The following PALM2AKAP2 variants were observed in gnomAD, a reference collection of about 807,000 sequenced individuals.
PALM2AKAP2 encodes PALM2 and AKAP2 fusion, also known as PALM2-AKAP2 fusion protein.
A neutral mutation model predicts 71.5 loss-of-function variants in PALM2AKAP2; 37 were observed. That is an observed-to-expected ratio of 0.52 (90% CI 0.40 to 0.68). The LOEUF is 0.68. Ranked by LOEUF, PALM2AKAP2 falls within the 30% of genes least tolerant of loss-of-function variation. PALM2AKAP2 has a pLI of 0.00. For synonymous variants in PALM2AKAP2, 468 were observed against 478.8 expected, an observed-to-expected ratio of 0.98 and a Z score of 0.29; for missense variants, 1,224 against 1,191.8, an observed-to-expected ratio of 1.03 and a Z score of -0.40.
chr9:109,859,098 A>G (rs1368937249), intron 1 of PALM2AKAP2, among the ~76,000 whole-genome samples: 2 of 152,220 alleles, frequency 1.3e-5, no homozygotes, highest in Non-Finnish European at 2.9e-5. Context: ...TCTAAATTCT[A>G]TGGGATGTTT....
chr9:110,157,022 T>G (rs1481350193), intron 3 of PALM2AKAP2, among the ~76,000 whole-genome samples: 1 of 152,162 alleles, frequency 6.6e-6, no homozygotes. Context: ...AAAGAGCCAG[T>G]GAAAATGACA....
chr9:110,066,780 C>T (rs992798512), intron 1 of PALM2AKAP2, among the ~76,000 whole-genome samples: 5 of 151,452 alleles, frequency 3.3e-5, no homozygotes, highest in African/African-American at 1.2e-4. Context: ...AAGGAGATAA[C>T]ATATTGCCCA....
At chr9:110,014,851 T>TACACACACACACAC (rs1360117476) in intron 6 of PALM2AKAP2, among the ~76,000 whole-genome samples, 41 of 89,518 alleles carry the variant, frequency 4.6e-4, no homozygotes, top group African/African-American at 1.7e-3. Context: ...TATATATATA[T>TACACACACACACAC]ACACACACAC....
chr9:110,165,774 ATCC>A (rs1836719485), intron 3 of PALM2AKAP2, among the ~76,000 whole-genome samples: 1 of 152,164 alleles, frequency 6.6e-6, no homozygotes, highest in African/African-American at 2.4e-5. Flanking sequence ...GGACTATTCT[ATCC>A]TCAACACGAA....
intron 1 of PALM2AKAP2, among the ~76,000 whole-genome samples, chr9:110,084,351 G>A (rs1314101903): frequency 1.3e-5 from 2 of 152,134 alleles, no homozygotes; most frequent in Non-Finnish European, 2.9e-5. Flanking sequence ...TATGGTGAGG[G>A]CATAGATAGG....
intron 1 of PALM2AKAP2, among the ~76,000 whole-genome samples, chr9:110,096,784 G>C (rs1426623659): frequency 6.6e-6 from 1 of 151,654 alleles, no homozygotes; most frequent in Admixed American, 6.6e-5. Context: ...ACTTTTTGTG[G>C]GGGGTTGGGG....
rs116283399 is a variant in PALM2AKAP2 at position 109,796,254 on chromosome 9, G to A, written c.45+15721G>A. ...AGTCAGCAAAATATTAGAAAACTGT[G>A]ATAGATAATGTGCTTTGATTGATTG... On this transcript the variant is annotated intron_variant, in intron 1 of 9. Transcript: ENST00000302798. Among the ~76,000 whole-genome samples the A allele has an allele frequency of 7.7e-4, 118 of 152,262 alleles. 2 individuals are homozygous for A. The highest frequency in any genetic ancestry group is 3.4e-3 in the Middle Eastern group (1 of 294).
intron 3 of PALM2AKAP2, among the ~76,000 whole-genome samples, chr9:109,909,792 A>C (rs543792384): frequency 6.6e-6 from 1 of 152,320 alleles, no homozygotes; most frequent in South Asian, 2.1e-4. Context: ...GGGAAGAGAG[A>C]GAACAAGGGC....
intron 1 of PALM2AKAP2, among the ~76,000 whole-genome samples, chr9:109,800,552 TA>T (rs1310419335): frequency 2.0e-5 from 3 of 152,178 alleles, no homozygotes; most frequent in Non-Finnish European, 4.4e-5. Flanking sequence ...TATGTATCAC[TA>T]ATTGATCATG....
Position 109,797,116 on chromosome 9 carries a change from C to T in PALM2AKAP2, c.45+16583C>T, listed in dbSNP as rs75449886. ...CTTTGCCTGATGCTACCTCTTTTAC[C>T]TTCTTGGGGTTCTTCCCCAGCAAAT... On this transcript the variant is annotated intron_variant, in intron 1 of 9. Coordinates refer to the PALM2AKAP2 transcript ENST00000302798. 2.8e-3 allele frequency among the ~76,000 whole-genome samples: 419 copies of T among 152,254 alleles called. 3 individuals carry two copies. Among genetic ancestry groups the T allele is most frequent in the African/African-American group, 9.7e-3 (402 of 41,530 alleles).
At chr9:110,143,846 G>C (rs995320342) in intron 2 of PALM2AKAP2, among the ~76,000 whole-genome samples, 1 of 152,120 alleles carries the variant, frequency 6.6e-6, no homozygotes, top group Non-Finnish European at 1.5e-5. Flanking sequence ...CATAACTTGG[G>C]GTATCTGTTC....
chr9:109,809,464 C>T (rs898709046), intron 1 of PALM2AKAP2, among the ~76,000 whole-genome samples: 1 of 152,112 alleles, frequency 6.6e-6, no homozygotes, highest in African/African-American at 2.4e-5. Context: ...GCCAATTTCT[C>T]CCATTTGGAA....
chr9:110,162,909 G>A (rs150905966), intron 3 of PALM2AKAP2, among the ~76,000 whole-genome samples: 6 of 151,540 alleles, frequency 4.0e-5, no homozygotes, highest in Admixed American at 2.0e-4. Flanking sequence ...CGGGGGTCTC[G>A]CTATGTTGCC....
At chr9:110,054,799 G>A (rs547714907) in intron 1 of PALM2AKAP2, among the ~76,000 whole-genome samples, 40 of 152,174 alleles carry the variant, frequency 2.6e-4, no homozygotes, top group African/African-American at 7.5e-4. Flanking sequence ...CTTGAACTTC[G>A]GGGCTCAAGC....
At chr9:109,646,304 A>G (rs990033222) in intron 1 of PALM2AKAP2, among the ~76,000 whole-genome samples, 3 of 152,230 alleles carry the variant, frequency 2.0e-5, no homozygotes, top group Non-Finnish European at 2.9e-5. Flanking sequence ...ATTTGATGCC[A>G]CACCTATAGA....
intron 1 of PALM2AKAP2, among the ~76,000 whole-genome samples, chr9:109,865,138 G>A (rs962638708): frequency 1.1e-4 from 12 of 110,746 alleles, no homozygotes; most frequent in Non-Finnish European, 1.5e-4. Context: ...TCACTCTGTC[G>A]CCCAGGCTGG....
intron 4 of PALM2AKAP2, among the ~76,000 whole-genome samples, chr9:109,924,395 G>A (rs1278287625): frequency 2.6e-5 from 4 of 152,064 alleles, no homozygotes; most frequent in Non-Finnish European, 5.9e-5. Context: ...TCAGGAGATC[G>A]AGACCATCCT....
chr9:109,664,305 C>A (rs1827444346), intron 1 of PALM2AKAP2, among the ~76,000 whole-genome samples: 1 of 152,062 alleles, frequency 6.6e-6, no homozygotes, highest in Non-Finnish European at 1.5e-5. Context: ...ACAGTTTTGC[C>A]TGTTTTTGCG....
In PALM2AKAP2 at chr9:109,927,109, T is replaced by C. The variant is rs180982652; in HGVS notation, c.394+2027T>C. 5.3e-5 allele frequency among the ~76,000 whole-genome samples: 8 copies of C among 152,258 alleles called. No homozygotes were observed. The East Asian group carries it at 1.5e-3, about 29-fold the overall frequency. Reference sequence around the variant, plus strand: ...GTGGCCCAGGGAAGAGTTTCCGTGGTCTTACCTGTCACCCTGCATTATAAT... The same window carrying C: ...GTGGCCCAGGGAAGAGTTTCCGTGGCCTTACCTGTCACCCTGCATTATAAT... On this transcript the variant is annotated intron_variant, in intron 5 of 9. Coordinates refer to the PALM2AKAP2 transcript ENST00000302798.
Sources: allele counts gnomAD v4.1 joint callset (sites outside exome capture counted in the v4.1 genomes callset), GRCh38; gene constraint gnomAD v4.1.1; transcripts MANE v1.5; gene names NCBI Gene and HGNC (gene_info 2026-07-23, HGNC 2026-07-21).